The following CHRM3 variants were observed in gnomAD, a reference collection of about 807,000 sequenced individuals.
CHRM3 encodes cholinergic receptor muscarinic 3.
CHRM3 carries 11 observed loss-of-function variants against 41.8 expected under a neutral mutation model. The observed-to-expected ratio is 0.26, with a 90% CI of 0.17 to 0.44. The LOEUF (loss-of-function observed/expected upper bound fraction) is 0.44, where lower values mean the gene tolerates loss of function less well. CHRM3 is among the 20% of genes least tolerant of loss of function. CHRM3 has a pLI of 1.00. For synonymous variants in CHRM3, 297 were observed against 301.4 expected (o/e 0.99, Z 0.15); for missense variants, 571 against 745.4 (o/e 0.77, Z 2.72).
At chr1:239,805,882 T>C (rs979202199) in intron 5 of CHRM3, among the ~76,000 whole-genome samples, 1 of 152,224 alleles carries the variant, frequency 6.6e-6, no homozygotes, top group African/African-American at 2.4e-5. Flanking sequence ...ATTTCCCTTC[T>C]TGGTTAGTTC....
intron 1 of CHRM3, among the ~76,000 whole-genome samples, chr1:239,435,214 G>A (rs1572286398): frequency 6.6e-6 from 1 of 152,158 alleles, no homozygotes; most frequent in Admixed American, 6.5e-5. Flanking sequence ...CACTTCGGGA[G>A]GCCAAGGCGG....
intron 1 of CHRM3, among the ~76,000 whole-genome samples, chr1:239,423,759 A>G (rs934793170): frequency 1.3e-5 from 2 of 152,082 alleles, no homozygotes; most frequent in African/African-American, 4.8e-5. Flanking sequence ...TTTCTAAGAA[A>G]TAGGAAAACA....
At chr1:239,615,170 G>A (rs988387545) in intron 3 of CHRM3, among the ~76,000 whole-genome samples, 1 of 152,094 alleles carries the variant, frequency 6.6e-6, no homozygotes, top group Non-Finnish European at 1.5e-5. Context: ...GTAACTTCTG[G>A]TTCCTGGACA....
In CHRM3 at chr1:239,551,524, CAA is replaced by C. The variant is rs61544683; in HGVS notation, c.-313+5786_-313+5787del. On this transcript the variant is annotated intron_variant, in intron 3 of 6. Transcript: ENST00000676153. ...AAAATAGAGCAAAAAATAACTGAACCAAAAAAAAAAAAGGCCTCTGTGTCAAT... is the reference window on the plus strand; with the variant it reads ...AAAATAGAGCAAAAAATAACTGAACCAAAAAAAAAAGGCCTCTGTGTCAAT... Among the ~76,000 whole-genome samples, 254 of 140,568 alleles carry C rather than the reference CAA, an allele frequency of 1.8e-3. 2 individuals carry two copies. Among genetic ancestry groups the C allele is most frequent in the Admixed American group, 8.1e-3 (115 of 14,266 alleles). 92.2% of individuals were successfully genotyped at this position (140,568 alleles called of 152,430 possible). A position where few individuals can be genotyped will look rare whatever the true frequency, so the allele number is the denominator to read the frequency against.
chr1:239,668,807 T>A (rs1324091567), intron 4 of CHRM3, among the ~76,000 whole-genome samples: 3 of 152,206 alleles, frequency 2.0e-5, no homozygotes, highest in Admixed American at 2.0e-4. Context: ...GGATGTGTTT[T>A]CTTGTCCAGT....
At chr1:239,618,658 C>A (rs796121694) in intron 3 of CHRM3, among the ~76,000 whole-genome samples, 60 of 151,378 alleles carry the variant, frequency 4.0e-4, no homozygotes, top group Admixed American at 2.0e-3. Context: ...TCCTGGCTAA[C>A]ACGGTGAAAC....
At chr1:239,781,155 T>C (rs1668481908) in intron 5 of CHRM3, among the ~76,000 whole-genome samples, 1 of 152,110 alleles carries the variant, frequency 6.6e-6, no homozygotes, top group Non-Finnish European at 1.5e-5. Flanking sequence ...CTTTCTGGGA[T>C]TTTGATTGGG....
At chr1:239,421,731 C>T (rs1224195865) in intron 1 of CHRM3, among the ~76,000 whole-genome samples, 1 of 152,166 alleles carries the variant, frequency 6.6e-6, no homozygotes, top group Non-Finnish European at 1.5e-5. Context: ...CAGGGTGAAG[C>T]TTACGCTGTG....
At chr1:239,416,257 A>G (rs977552950) in intron 1 of CHRM3, among the ~76,000 whole-genome samples, 2 of 152,148 alleles carry the variant, frequency 1.3e-5, no homozygotes, top group African/African-American at 4.8e-5. Flanking sequence ...GTTTAGATTC[A>G]AACAAATGAC....
In CHRM3 at chr1:239,910,725, G is replaced by C; in HGVS notation, c.*1501G>C. Reference sequence around the variant, plus strand: ...TGTTGGGGTTTCTTTTCCTGTTGCCGGGGCTGTTTGGGGAGAGGGAGGGGA... The same window carrying C: ...TGTTGGGGTTTCTTTTCCTGTTGCCCGGGCTGTTTGGGGAGAGGGAGGGGA... On this transcript the variant is annotated 3_prime_UTR_variant, in exon 7 of 7. Coordinates refer to ENST00000676153, the MANE Select transcript of CHRM3 (RefSeq NM_001375978.1). The C allele has an allele frequency of 6.0e-6, 1 of 166,422 alleles. No homozygotes were observed. 10.3% of individuals were successfully genotyped at this position (166,422 alleles called of 1,614,324 possible). A position where few individuals can be genotyped will look rare whatever the true frequency, so the allele number is the denominator to read the frequency against.
At chr1:239,682,053 G>T (rs1658621798) in intron 5 of CHRM3, among the ~76,000 whole-genome samples, 1 of 152,164 alleles carries the variant, frequency 6.6e-6, no homozygotes, top group Non-Finnish European at 1.5e-5. Context: ...TAAAAAAACA[G>T]CTGATCTTTT....
chr1:239,910,585 A>G lies in CHRM3; in HGVS notation c.*1361A>G, dbSNP rs1046821270. ...CAAATTGATTTCCTTACCTTTTGGGAAAAAAAAAAAATTGTTTTTTTGCAT... is the reference window on the plus strand; with the variant it reads ...CAAATTGATTTCCTTACCTTTTGGGGAAAAAAAAAAATTGTTTTTTTGCAT... On this transcript the variant is annotated 3_prime_UTR_variant, in exon 7 of 7. Transcript: ENST00000676153. The G allele has an allele frequency of 2.0e-4, 16 of 80,714 alleles. No individual in the cohort carries two copies. Among genetic ancestry groups the G allele is most frequent in the South Asian group, 4.0e-4 (1 of 2,470 alleles). The allele number at this position is 80,714 out of a possible 1,614,324, so 5.0% of individuals were successfully genotyped here.
intron 2 of CHRM3, among the ~76,000 whole-genome samples, chr1:239,520,879 A>C (rs569612300): frequency 6.6e-6 from 1 of 152,310 alleles, no homozygotes; most frequent in East Asian, 1.9e-4. Context: ...GTACATACAT[A>C]ACATACTGTT....
chr1:239,793,331 C>T (rs1210990763), intron 5 of CHRM3, among the ~76,000 whole-genome samples: 2 of 152,124 alleles, frequency 1.3e-5, no homozygotes, highest in Admixed American at 6.5e-5. Context: ...ACCATGTTGT[C>T]ATTCCTGGGT....
intron 5 of CHRM3, among the ~76,000 whole-genome samples, chr1:239,780,714 G>A (rs115506008): frequency 2.0e-5 from 3 of 151,922 alleles, no homozygotes; most frequent in Non-Finnish European, 4.4e-5. Context: ...TTTCTCCTTC[G>A]TTACGTTCTA....
chr1:239,505,478 C>T (rs1668508513), intron 2 of CHRM3, among the ~76,000 whole-genome samples: 2 of 152,110 alleles, frequency 1.3e-5, no homozygotes, highest in Admixed American at 1.3e-4. Flanking sequence ...CAGAAGTTTC[C>T]CTGCACAAGC....
At chr1:239,444,227 C>T (rs1223915341) in intron 1 of CHRM3, among the ~76,000 whole-genome samples, 2 of 152,148 alleles carry the variant, frequency 1.3e-5, no homozygotes, top group Non-Finnish European at 2.9e-5. Flanking sequence ...TACAAAAGTC[C>T]ATCCTATTCT....
At chr1:239,668,700 C>T (rs1298228147) in intron 4 of CHRM3, among the ~76,000 whole-genome samples, 1 of 152,140 alleles carries the variant, frequency 6.6e-6, no homozygotes, top group Non-Finnish European at 1.5e-5. Flanking sequence ...TTAAAAATAA[C>T]TCTCAACTCA....
At chr1:239,900,626 T>C (rs751721107) in intron 6 of CHRM3, among the ~76,000 whole-genome samples, 40 of 151,952 alleles carry the variant, frequency 2.6e-4, no homozygotes, top group Non-Finnish European at 2.2e-4. Flanking sequence ...ATGAATAGAT[T>C]GGGGAGCACC....
Sources: gnomAD v4.1 joint callset for allele counts (sites outside exome capture counted in the v4.1 genomes callset) on GRCh38, gnomAD v4.1.1 for gene constraint, MANE v1.5 for transcripts, NCBI Gene and HGNC (gene_info 2026-07-23, HGNC 2026-07-21) for gene names.